ANO10: variants seen among roughly 807,000 people sequenced by gnomAD.
ANO10 encodes the protein anoctamin-10.
ANO10 carries 77 observed loss-of-function variants against 74.7 expected under a neutral mutation model. That is an observed-to-expected ratio of 1.03 (90% CI 0.86 to 1.25). The LOEUF (loss-of-function observed/expected upper bound fraction) is 1.25, where lower values mean the gene tolerates loss of function less well. Ranked by LOEUF, ANO10 falls within the 50% of genes most tolerant of loss-of-function variation. The pLI, the probability that ANO10 is intolerant of heterozygous loss-of-function variation, is 0.00. For synonymous variants in ANO10, 279 were observed against 284.9 expected (o/e 0.98, Z 0.21); for missense variants, 721 against 778.1 (o/e 0.93, Z 0.87).
intron 8 of ANO10, among the ~76,000 whole-genome samples, chr3:43,564,165 T>C (rs2080193713): frequency 6.6e-6 from 1 of 151,988 alleles, no homozygotes; most frequent in South Asian, 2.1e-4. Flanking sequence ...CCCAGGTAGC[T>C]GAGACTACAG....
At chr3:43,417,589 C>T (rs2092760530) in intron 12 of ANO10, among the ~76,000 whole-genome samples, 1 of 152,118 alleles carries the variant, frequency 6.6e-6, no homozygotes, top group Non-Finnish European at 1.5e-5. Context: ...AAACTCCTCG[C>T]GTGTGTTCGT....
chr3:43,418,173 A>T (rs2092770327), intron 12 of ANO10, among the ~76,000 whole-genome samples: 1 of 152,226 alleles, frequency 6.6e-6, no homozygotes, highest in African/African-American at 2.4e-5. Flanking sequence ...GCTACTCAGG[A>T]GGCTGAGGCA....
At chr3:43,403,159 T>C (rs574300438) in intron 12 of ANO10, among the ~76,000 whole-genome samples, 8 of 152,314 alleles carry the variant, frequency 5.3e-5, no homozygotes, top group Admixed American at 5.2e-4. Context: ...TCAATGCAGG[T>C]AGAATCCTAC....
At chr3:43,667,711 A>C (rs945089236) in intron 1 of ANO10, among the ~76,000 whole-genome samples, 1 of 152,176 alleles carries the variant, frequency 6.6e-6, no homozygotes, top group Non-Finnish European at 1.5e-5. Flanking sequence ...TCTACTGCTG[A>C]GTTACTTCAC....
At chr3:43,538,328 T>A (rs1222869286) in intron 11 of ANO10, among the ~76,000 whole-genome samples, 1 of 151,910 alleles carries the variant, frequency 6.6e-6, no homozygotes, top group South Asian at 2.1e-4. Flanking sequence ...GGAAAAAAAA[T>A]AAGAAAAGAG....
At chr3:43,445,931 C>CT (rs2093238592) in intron 11 of ANO10, among the ~76,000 whole-genome samples, 1 of 152,106 alleles carries the variant, frequency 6.6e-6, no homozygotes, top group South Asian at 2.1e-4. Context: ...AACTCCTGAG[C>CT]TCAAGCAATC....
chr3:43,366,719 A>G lies in ANO10; in HGVS notation c.*187T>C. ...CAGGGTGGGGCTGGGGGAACTGCCAAGGATCCCGAGCCAAGCCACTGCGAA... is the reference window on the plus strand; with the variant it reads ...CAGGGTGGGGCTGGGGGAACTGCCAGGGATCCCGAGCCAAGCCACTGCGAA... On this transcript the variant is annotated 3_prime_UTR_variant, in exon 13 of 13. Coordinates refer to ENST00000292246, the MANE Select transcript of ANO10 (RefSeq NM_018075.5). 1.5e-6 allele frequency: 1 copy of G among 656,790 alleles called. No individual in the cohort carries two copies. The highest frequency in any genetic ancestry group is 2.7e-6 in the Non-Finnish European group (1 of 366,124). 40.7% of individuals were successfully genotyped at this position (656,790 alleles called of 1,614,324 possible).
At chr3:43,468,942 C>T (rs2075741131) in intron 11 of ANO10, among the ~76,000 whole-genome samples, 1 of 151,722 alleles carries the variant, frequency 6.6e-6, no homozygotes, top group Non-Finnish European at 1.5e-5. Context: ...AATCTCCTGA[C>T]CTCGTGATCC....
intron 11 of ANO10, among the ~76,000 whole-genome samples, chr3:43,445,931 C>G (rs189050781): frequency 8.3e-4 from 126 of 152,224 alleles, no homozygotes; most frequent in African/African-American, 2.8e-3. Flanking sequence ...AACTCCTGAG[C>G]TCAAGCAATC....
At chr3:43,628,016 A>T (rs906755709) in intron 1 of ANO10, among the ~76,000 whole-genome samples, 6 of 152,268 alleles carry the variant, frequency 3.9e-5, no homozygotes, top group African/African-American at 1.4e-4. Context: ...CCTCCTGAGT[A>T]GCTGGGACTA....
At chr3:43,439,970 T>G (rs2148962172) in intron 11 of ANO10, among the ~76,000 whole-genome samples, 1 of 152,180 alleles carries the variant, frequency 6.6e-6, no homozygotes, top group East Asian at 1.9e-4. Context: ...CTACTGAAGT[T>G]TTTATCAGTT....
In ANO10 at chr3:43,667,533, G is replaced by A. The variant is rs188468331; in HGVS notation, c.-12+23984C>T. The stretch of plus-strand genomic sequence containing the variant: ...TGATTTCTGAGATTTTAGGGCACTC[G>A]CCACCTGAGCAGTATACACTGTACC... On this transcript the variant is annotated intron_variant, in intron 1 of 3. Transcript: ENST00000413397. Among the ~76,000 whole-genome samples the A allele has an allele frequency of 2.6e-3, 389 of 152,022 alleles. 4 individuals carry two copies. Among genetic ancestry groups the A allele is most frequent in the African/African-American group, 9.0e-3 (372 of 41,460 alleles).
At chr3:43,498,409 T>C (rs1374314247) in intron 11 of ANO10, among the ~76,000 whole-genome samples, 4 of 152,204 alleles carry the variant, frequency 2.6e-5, no homozygotes, top group Non-Finnish European at 2.9e-5. Flanking sequence ...AGGGCAGATG[T>C]GACCTAACCT....
chr3:43,372,177 C>T (rs1031705347), intron 12 of ANO10, among the ~76,000 whole-genome samples: 9 of 152,166 alleles, frequency 5.9e-5, no homozygotes, highest in Non-Finnish European at 1.0e-4. Flanking sequence ...CCAGTCATCC[C>T]CATCTCAGGA....
Position 43,595,985 on chromosome 3 carries a change from C to T in ANO10, c.472+2547G>A, listed in dbSNP as rs559712632. Among the ~76,000 whole-genome samples the T allele has an allele frequency of 5.9e-5, 9 of 152,198 alleles. 1 individual carries two copies. The South Asian group carries it at 1.9e-3, about 32-fold the overall frequency. On this transcript the variant is annotated intron_variant, in intron 4 of 12. Transcript: ENST00000292246. ...CAGCAATAACAGAGAAACAGAGAGC[C>T]AAATCATGAGTGAACTCCCATTCAC...
At chr3:43,566,372 C>G (rs910056655) in intron 7 of ANO10, among the ~76,000 whole-genome samples, 3 of 152,244 alleles carry the variant, frequency 2.0e-5, no homozygotes, top group Non-Finnish European at 4.4e-5. Flanking sequence ...TAGGCTCCAC[C>G]TCTGGGGGCA....
intron 11 of ANO10, among the ~76,000 whole-genome samples, chr3:43,504,585 G>A (rs1482516290): frequency 6.6e-6 from 1 of 152,084 alleles, no homozygotes; most frequent in African/African-American, 2.4e-5. Context: ...ATTAGTTTAT[G>A]TAGTTTAGAG....
chr3:43,473,076 G>A (rs902588926), intron 11 of ANO10, among the ~76,000 whole-genome samples: 2 of 152,108 alleles, frequency 1.3e-5, no homozygotes, highest in African/African-American at 4.8e-5. Context: ...AATAAGTGGA[G>A]AGAAATCATT....
intron 1 of ANO10, among the ~76,000 whole-genome samples, chr3:43,656,126 C>CTGGTGTATT (rs1420879659): frequency 2.7e-5 from 4 of 148,304 alleles, no homozygotes; most frequent in Non-Finnish European, 6.0e-5. Flanking sequence ...AGAATGCCAA[C>CTGGTGTATT]TGGTGTATTT....
Sources: gnomAD v4.1 joint callset for allele counts (sites outside exome capture counted in the v4.1 genomes callset) on GRCh38, gnomAD v4.1.1 for gene constraint, MANE v1.5 for transcripts, NCBI Gene and HGNC (gene_info 2026-07-23, HGNC 2026-07-21) for gene names.